The following CCDC80 variants were observed in gnomAD, a reference collection of about 807,000 sequenced individuals.
CCDC80 encodes the protein coiled-coil domain containing 80, also known as coiled-coil domain-containing protein 80.
CCDC80 carries 49 observed loss-of-function variants against 78.7 expected under a neutral mutation model. That is an observed-to-expected ratio of 0.62 (90% confidence interval 0.50 to 0.79). The LOEUF is 0.79. Ranked by LOEUF, CCDC80 falls within the 30% of genes least tolerant of loss-of-function variation. The pLI is 0.00. For synonymous variants in CCDC80, 488 were observed against 447.0 expected, an observed-to-expected ratio of 1.09 and a Z score of -1.16; for missense variants, 1,205 against 1,198.6, an observed-to-expected ratio of 1.01 and a Z score of -0.08.
rs1576784798 is a variant in CCDC80 at position 112,616,833 on chromosome 3, A to T, written c.2198T>A (p.Met733Lys). The T allele has an allele frequency of 1.2e-6, 2 of 1,614,016 alleles. No individual in the cohort carries two copies. The highest frequency in any genetic ancestry group is 2.7e-5 in the African/African-American group (2 of 75,052). Reference sequence around the variant, plus strand: ...ATCGATCAGATCAAACACAGACTTCATTGTTATTGGTACCTCATAGTATTG... The same window carrying T: ...ATCGATCAGATCAAACACAGACTTCTTTGTTATTGGTACCTCATAGTATTG... ...VKQYYEVPITMKSVFDLIDTF... is the reference protein window; with the variant it reads ...VKQYYEVPITKKSVFDLIDTF... The change falls in exon 5 of 8, where the codon ATG (methionine) becomes AAG (lysine). Residue 733 changes from methionine to lysine, a missense_variant. By Grantham distance (95) the Met-to-Lys change is moderately conservative (BLOSUM62 -1). Coordinates refer to ENST00000206423, the MANE Select transcript of CCDC80 (RefSeq NM_199511.3).
chr3:112,604,774 A>C lies in CCDC80; in HGVS notation c.*643T>G, dbSNP rs1935446050. ...TCTGGTGAGGATTTCCTGGACCCCG[A>C]TTTATATCTGAAAAAACACTAAAAA... On this transcript the variant is annotated 3_prime_UTR_variant, in exon 8 of 8. Coordinates refer to ENST00000206423, the MANE Select transcript of CCDC80 (RefSeq NM_199511.3). The C allele has an allele frequency of 6.6e-6, 1 of 152,204 alleles. No individual in the cohort carries two copies. The highest frequency in any genetic ancestry group is 1.5e-5 in the Non-Finnish European group (1 of 68,042). 9.4% of individuals were successfully genotyped at this position (152,204 alleles called of 1,614,324 possible). A position where few individuals can be genotyped will look rare whatever the true frequency, so the allele number is the denominator to read the frequency against.
At position 112,639,675 on chromosome 3, in the gene CCDC80, C is replaced by A; in HGVS notation, c.231G>T (p.Arg77Ser). ...CTAGTCTCAACACGGGCACACTCCT[C>A]CTTCTCTGGAGAGGCTGAAGGTTTG... The part of the protein sequence containing the change: ...EEPNLQPLQR[R>S]RSVPVLRLAR... The change falls in exon 2 of 8, where the codon AGG becomes AGT. Residue 77 changes from arginine to serine, a missense_variant. Coordinates refer to ENST00000206423, the MANE Select transcript of CCDC80 (RefSeq NM_199511.3). 1.2e-6 allele frequency: 2 copies of A among 1,614,186 alleles called. No homozygotes were observed. Among genetic ancestry groups the A allele is most frequent in the South Asian group, 2.2e-5 (2 of 91,088 alleles).
At position 112,619,218 on chromosome 3, in the gene CCDC80, T is replaced by C; in HGVS notation, c.2036-114A>G. 8 of 956,598 alleles carry C rather than the reference T, an allele frequency of 8.4e-6. No individual in the cohort carries two copies. The South Asian group carries it at 1.9e-4, about 23-fold the overall frequency. 59.3% of individuals were successfully genotyped at this position (956,598 alleles called of 1,614,324 possible). On this transcript the variant is annotated intron_variant, in intron 3 of 7. Transcript: ENST00000206423. ...CACCAGCCTTCATTAGTTTTATATA[T>C]TCAACTCACGTTGTGTTTGAACAAA...
rs1208217666 is a variant in CCDC80 at position 112,603,798 on chromosome 3, C to T, written c.*1619G>A. ...TTGTGATCCCGCTAATGGATCTGGGCAAAGCAAATTAAAAACCTGGAAAGG... is the reference window on the plus strand; with the variant it reads ...TTGTGATCCCGCTAATGGATCTGGGTAAAGCAAATTAAAAACCTGGAAAGG... On this transcript the variant is annotated 3_prime_UTR_variant, in exon 8 of 8. Transcript: ENST00000206423. 6.6e-6 allele frequency: 1 copy of T among 151,920 alleles called. No homozygotes were observed. Among genetic ancestry groups the T allele is most frequent in the African/African-American group, 2.4e-5 (1 of 41,310 alleles). 9.4% of individuals were successfully genotyped at this position (151,920 alleles called of 1,614,324 possible).
chr3:112,608,571 C>T (rs930263429), intron 6 of CCDC80, among the ~76,000 whole-genome samples: 14 of 152,116 alleles, frequency 9.2e-5, no homozygotes, highest in African/African-American at 3.4e-4. Flanking sequence ...AAAGTACCAC[C>T]AAATAGCTGC....
At position 112,603,619 on chromosome 3, in the gene CCDC80, AG is replaced by A. The variant is rs1416074961; in HGVS notation, c.*1797del. The A allele has an allele frequency of 2.7e-5, 4 of 149,686 alleles. No individual in the cohort carries two copies. The highest frequency in any genetic ancestry group is 2.0e-4 in the Admixed American group (3 of 14,992). 9.3% of individuals were successfully genotyped at this position (149,686 alleles called of 1,614,324 possible). On this transcript the variant is annotated 3_prime_UTR_variant, in exon 8 of 8. Transcript: ENST00000206423. ...AGACCACTATAATATATATATATAT[AG>A]CTGTTCACTGACAATATACCCAGTC...
intron 2 of CCDC80, among the ~76,000 whole-genome samples, chr3:112,634,119 C>A (rs1197359917): frequency 4.9e-5 from 7 of 142,636 alleles, no homozygotes; most frequent in African/African-American, 1.7e-4. Flanking sequence ...CAAAATACTG[C>A]GTTAGGCTCA....
rs942758186 is a variant in CCDC80, at chr3:112,601,493, A to T, written c.*3924T>A. 4 of 152,092 alleles carry T rather than the reference A, an allele frequency of 2.6e-5. No individual in the cohort carries two copies. The highest frequency in any genetic ancestry group is 5.9e-5 in the Non-Finnish European group (4 of 68,028). The allele number at this position is 152,092 out of a possible 1,614,324, so 9.4% of individuals were successfully genotyped here. A position where few individuals can be genotyped will look rare whatever the true frequency, so the allele number is the denominator to read the frequency against. On this transcript the variant is annotated 3_prime_UTR_variant, in exon 8 of 8. Coordinates refer to ENST00000206423, the MANE Select transcript of CCDC80 (RefSeq NM_199511.3). Reference sequence around the variant, plus strand: ...ATATTACTTGACAATATTACTTGATAAATATTTGTTGAAAAAAGAAATGTA... The same window carrying T: ...ATATTACTTGACAATATTACTTGATTAATATTTGTTGAAAAAAGAAATGTA...
chr3:112,628,424 T>C (rs746028616), intron 3 of CCDC80, among the ~76,000 whole-genome samples: 34 of 152,196 alleles, frequency 2.2e-4, no homozygotes, highest in Admixed American at 6.5e-5. Flanking sequence ...TAGTGACAAG[T>C]GTGACAGCTC....
Position 112,635,667 on chromosome 3 carries a change from T to C in CCDC80, c.1878+2361A>G, listed in dbSNP as rs557468024. 3.9e-5 allele frequency among the ~76,000 whole-genome samples: 6 copies of C among 152,332 alleles called. No homozygotes were observed. The South Asian group carries it at 1.0e-3, about 26-fold the overall frequency. On this transcript the variant is annotated intron_variant, in intron 2 of 7. Transcript: ENST00000206423. ...GATATGATCATCAGTTGGGCGCACA[T>C]AGGATCAAAAGTCTGAAAAGCCTTC...
At chr3:112,620,591 C>T (rs1472550500) in intron 3 of CCDC80, among the ~76,000 whole-genome samples, 2 of 151,936 alleles carry the variant, frequency 1.3e-5, no homozygotes, top group Non-Finnish European at 2.9e-5. Context: ...AAAGAAGATA[C>T]ATTCATTTGG....
In CCDC80 at chr3:112,603,237, G is replaced by A. The variant is rs372277356; in HGVS notation, c.*2180C>T. ...AAAAAAAGAATCTTTTAAAAATATT[G>A]CTGTTCGGGCCGGGCGCAGTGGCTC... On this transcript the variant is annotated 3_prime_UTR_variant, in exon 8 of 8. Coordinates refer to ENST00000206423, the MANE Select transcript of CCDC80 (RefSeq NM_199511.3). The A allele has an allele frequency of 2.0e-5, 3 of 151,972 alleles. No individual in the cohort carries two copies. Among genetic ancestry groups the A allele is most frequent in the African/African-American group, 7.3e-5 (3 of 41,350 alleles). The allele number at this position is 151,972 out of a possible 1,614,324, so 9.4% of individuals were successfully genotyped here.
chr3:112,637,426 A>C (rs1370405933), intron 2 of CCDC80, among the ~76,000 whole-genome samples: 1 of 152,116 alleles, frequency 6.6e-6, no homozygotes, highest in Non-Finnish European at 1.5e-5. Flanking sequence ...GGTCATACCA[A>C]CAAGGACTCT....
In CCDC80 at chr3:112,639,136, A is replaced by G. The variant is rs1936282819; in HGVS notation, c.770T>C (p.Met257Thr). The change falls in exon 2 of 8, where the codon ATG becomes ACG. Residue 257 changes from methionine (M) to threonine (T), a missense_variant. By Grantham distance (81) the Met-to-Thr change is moderately conservative. Transcript: ENST00000206423. ...GGGGCCTTGGTCGATGACCTCGTAC[A>G]TGGCTTCCAGCCTAACGGGATATGG... ...RYPYPVRLEAMYEVIDQGPIR... is the reference protein window; with the variant it reads ...RYPYPVRLEATYEVIDQGPIR... 1 of 1,614,110 alleles carries G rather than the reference A, an allele frequency of 6.2e-7. No individual in the cohort carries two copies. Among genetic ancestry groups the G allele is most frequent in the Non-Finnish European group, 8.5e-7 (1 of 1,180,022 alleles).
intron 5 of CCDC80, among the ~76,000 whole-genome samples, chr3:112,616,038 G>A (rs577819943): frequency 2.0e-4 from 31 of 152,230 alleles, no homozygotes; most frequent in African/African-American, 7.0e-4. Context: ...TTTCTTGCGC[G>A]AGATCCAAGA....
rs2107463609 is a variant in CCDC80 at position 112,599,976 on chromosome 3, T to C, written c.*5441A>G. 6.6e-6 allele frequency: 1 copy of C among 152,314 alleles called. No homozygotes were observed. The allele number at this position is 152,314 out of a possible 1,614,324, so 9.4% of individuals were successfully genotyped here. A position where few individuals can be genotyped will look rare whatever the true frequency, so the allele number is the denominator to read the frequency against. ...TTTTAAATACCATAATCCCATAATC[T>C]TTCTCAAAAATTATAAAACTGTATT... On this transcript the variant is annotated 3_prime_UTR_variant, in exon 8 of 8. Coordinates refer to ENST00000206423, the MANE Select transcript of CCDC80 (RefSeq NM_199511.3).
intron 3 of CCDC80, among the ~76,000 whole-genome samples, chr3:112,619,598 G>A (rs887460694): frequency 2.0e-5 from 3 of 152,160 alleles, no homozygotes; most frequent in Non-Finnish European, 4.4e-5. Context: ...GAGAAAAATA[G>A]AGTTTCTGTT....
intron 3 of CCDC80, among the ~76,000 whole-genome samples, chr3:112,624,226 A>G (rs574123465): frequency 1.3e-5 from 2 of 152,334 alleles, no homozygotes; most frequent in African/African-American, 4.8e-5. Context: ...ACACATTCAT[A>G]TATATTTTTT....
In CCDC80 at chr3:112,629,672, C is replaced by T. The variant is rs189453272; in HGVS notation, c.2035+441G>A. Among the ~76,000 whole-genome samples, 43 of 152,284 alleles carry T rather than the reference C, an allele frequency of 2.8e-4. No homozygotes were observed. In the East Asian group the frequency reaches 7.7e-3, roughly 27 times the overall value. On this transcript the variant is annotated intron_variant, in intron 3 of 7. Coordinates refer to ENST00000206423, the MANE Select transcript of CCDC80 (RefSeq NM_199511.3). ...AGCTTCTCTCAGTTCTGGTTAATTC[C>T]TTCCTCAGGCTTGCCAGAGTCAAGT...
Sources: allele counts gnomAD v4.1 joint callset (sites outside exome capture counted in the v4.1 genomes callset), GRCh38; gene constraint gnomAD v4.1.1; transcripts MANE v1.5; gene names NCBI Gene and HGNC (gene_info 2026-07-23, HGNC 2026-07-21).